PCDH15: variants seen among roughly 807,000 people sequenced by gnomAD.
PCDH15 encodes protocadherin-15.
A neutral mutation model predicts 178.5 loss-of-function variants in PCDH15; 129 were observed. The observed-to-expected ratio is 0.72, with a 90% CI of 0.63 to 0.84. The LOEUF (loss-of-function observed/expected upper bound fraction) is 0.84. PCDH15 is among the 40% of genes least tolerant of loss of function. The pLI is 0.00. For synonymous variants in PCDH15, 800 were observed against 732.0 expected (o/e 1.09, Z -1.50); for missense variants, 2,230 against 2,099.9 (o/e 1.06, Z -1.21).
intron 17 of PCDH15, among the ~76,000 whole-genome samples, chr10:54,072,452 G>GA (rs943092857): frequency 1.3e-5 from 2 of 151,814 alleles, no homozygotes; most frequent in African/African-American, 4.8e-5. Flanking sequence ...CCTTCTGAAG[G>GA]AAAAAAATAT....
At chr10:54,551,639 T>C (rs189163434) in intron 2 of PCDH15, among the ~76,000 whole-genome samples, 4 of 152,260 alleles carry the variant, frequency 2.6e-5, no homozygotes, top group East Asian at 3.9e-4. Flanking sequence ...AAAATATGTA[T>C]ATACTGAATG....
intron 2 of PCDH15, among the ~76,000 whole-genome samples, chr10:54,995,764 C>T (rs1839627791): frequency 6.6e-6 from 1 of 151,806 alleles, no homozygotes; most frequent in Non-Finnish European, 1.5e-5. Flanking sequence ...TGAAACTTAA[C>T]AGGTTACTGC....
At chr10:54,514,504 G>GA (rs199672843) in intron 3 of PCDH15, among the ~76,000 whole-genome samples, 51 of 145,574 alleles carry the variant, frequency 3.5e-4, no homozygotes, top group African/African-American at 4.8e-4. Context: ...TACCTCTCCT[G>GA]AAAAAAAAAA....
chr10:54,627,555 A>G (rs2093590472), intron 2 of PCDH15, among the ~76,000 whole-genome samples: 1 of 152,224 alleles, frequency 6.6e-6, no homozygotes, highest in Non-Finnish European at 1.5e-5. Flanking sequence ...AGACTTCCTC[A>G]GCCATGTGGA....
chr10:54,683,821 A>G (rs2094943019), intron 1 of PCDH15, among the ~76,000 whole-genome samples: 5 of 152,120 alleles, frequency 3.3e-5, no homozygotes, highest in Admixed American at 3.3e-4. Context: ...TGCCTCTTAC[A>G]TGCTACAATA....
At chr10:54,238,844 A>G (rs779412888) in intron 8 of PCDH15, among the ~76,000 whole-genome samples, 8 of 152,038 alleles carry the variant, frequency 5.3e-5, no homozygotes, top group African/African-American at 1.4e-4. Context: ...CTTTCTAGTA[A>G]TTTCACTGAG....
chr10:54,342,689 A>G (rs1190738836), intron 6 of PCDH15, among the ~76,000 whole-genome samples: 1 of 152,128 alleles, frequency 6.6e-6, no homozygotes, highest in Non-Finnish European at 1.5e-5. Flanking sequence ...GAAAAACCAC[A>G]AGCACTCAAT....
chr10:54,544,698 C>G (rs1366598530), intron 2 of PCDH15, among the ~76,000 whole-genome samples: 1 of 152,146 alleles, frequency 6.6e-6, no homozygotes, highest in African/African-American at 2.4e-5. Context: ...ATAAAACCAG[C>G]CTTCCACCTT....
In PCDH15 at chr10:53,827,566, T is replaced by C. The variant is rs745547603; in HGVS notation, c.4212-18A>G. 1.4e-5 allele frequency: 23 copies of C among 1,613,936 alleles called. No individual in the cohort carries two copies. Among genetic ancestry groups the C allele is most frequent in the Admixed American group, 8.3e-5 (5 of 60,010 alleles). The stretch of plus-strand genomic sequence containing the variant: ...CTTGACGTCTTGGATAAAGTAAGGA[T>C]GGCTTGTAAAACTCATTTTAGAAAT... On this transcript the variant is annotated intron_variant, in intron 31 of 37. Transcript: ENST00000644397.
intron 13 of PCDH15, among the ~76,000 whole-genome samples, chr10:54,182,029 T>C (rs1591007828): frequency 6.6e-6 from 1 of 152,062 alleles, no homozygotes; most frequent in Non-Finnish European, 1.5e-5. Flanking sequence ...GCCATCTTGG[T>C]TCACTGCAAT....
intron 26 of PCDH15, among the ~76,000 whole-genome samples, chr10:53,872,002 AGGCAT>A (rs2079902256): frequency 6.6e-6 from 1 of 152,100 alleles, no homozygotes; most frequent in Non-Finnish European, 1.5e-5. Flanking sequence ...AAAATTAGCC[AGGCAT>A]GGCTTCCCCC....
rs377720882 is a variant in PCDH15 at position 54,752,485 on chromosome 10, AAAAAAACAAAAAAC to A, written c.-29+48426_-29+48439del. On this transcript the variant is annotated intron_variant, in intron 1 of 37. Coordinates refer to ENST00000644397, the MANE Select transcript of PCDH15 (RefSeq NM_001384140.1). ...GAACGAGACTCCGTCTCAAAAAAAAAAAAAAACAAAAAACAAAAAACAAAAAACAAACAAACAAA... is the reference window on the plus strand; with the variant it reads ...GAACGAGACTCCGTCTCAAAAAAAAAAAAAAACAAAAAACAAACAAACAAA... 6.4e-4 allele frequency among the ~76,000 whole-genome samples: 53 copies of A among 82,194 alleles called. 2 individuals are homozygous for A. Among genetic ancestry groups the A allele is most frequent in the East Asian group, 2.6e-3 (11 of 4,210 alleles). The allele number at this position is 82,194 out of a possible 152,430, so 53.9% of individuals were successfully genotyped here.
chr10:54,719,521 T>A (rs373488319), intron 1 of PCDH15, among the ~76,000 whole-genome samples: 31 of 150,598 alleles, frequency 2.1e-4, no homozygotes, highest in South Asian at 4.2e-4. Flanking sequence ...CTTTTTTTTT[T>A]AAATTTTACT....
chr10:54,094,759 T>C (rs1298895711), intron 15 of PCDH15, among the ~76,000 whole-genome samples: 1 of 152,190 alleles, frequency 6.6e-6, no homozygotes, highest in East Asian at 1.9e-4. Context: ...TTTAATTTAA[T>C]ATAATTTTAA....
intron 7 of PCDH15, among the ~76,000 whole-genome samples, chr10:54,320,942 C>T (rs1488330911): frequency 6.6e-6 from 1 of 151,668 alleles, no homozygotes. Flanking sequence ...TCTCATCTTC[C>T]ATATTTCTAA....
intron 2 of PCDH15, among the ~76,000 whole-genome samples, chr10:54,529,036 T>TTTCCAAATTTGTGTGTTATTTG (rs1449763427): frequency 2.6e-5 from 4 of 152,030 alleles, no homozygotes; most frequent in Non-Finnish European, 5.9e-5. Flanking sequence ...TGCTTGAAGT[T>TTTCCAAATTTGTGTGTTATTTG]TTCCAAATTT....
chr10:54,919,406 A>T (rs892148224), intron 2 of PCDH15, among the ~76,000 whole-genome samples: 1 of 152,166 alleles, frequency 6.6e-6, no homozygotes, highest in Non-Finnish European at 1.5e-5. Context: ...AAAGAATTTC[A>T]CCCACGTTTT....
intron 2 of PCDH15, among the ~76,000 whole-genome samples, chr10:55,560,776 A>G (rs1410136792): frequency 6.6e-6 from 1 of 151,884 alleles, no homozygotes; most frequent in African/African-American, 2.4e-5. Context: ...TTCCAGTGCC[A>G]TTAATTAATA....
chr10:55,005,973 A>T (rs1386492762), intron 2 of PCDH15, among the ~76,000 whole-genome samples: 1 of 151,800 alleles, frequency 6.6e-6, no homozygotes, highest in Non-Finnish European at 1.5e-5. Flanking sequence ...ATTGATAAAT[A>T]TTTATGTATA....
Sources: gnomAD v4.1 joint callset for allele counts (sites outside exome capture counted in the v4.1 genomes callset) on GRCh38, gnomAD v4.1.1 for gene constraint, MANE v1.5 for transcripts, NCBI Gene and HGNC (gene_info 2026-07-23, HGNC 2026-07-21) for gene names.